Variants in TCERG1L observed in about 807,000 individuals in gnomAD.
TCERG1L encodes the protein transcription elongation regulator 1-like protein.
TCERG1L carries 37 observed loss-of-function variants against 56.3 expected under a neutral mutation model. The observed-to-expected ratio is 0.66, with a 90% confidence interval of 0.51 to 0.87. The LOEUF is 0.87. Ranked by LOEUF, TCERG1L falls within the 40% of genes least tolerant of loss-of-function variation. TCERG1L has a pLI of 0.00. For synonymous variants in TCERG1L, 324 were observed against 326.3 expected, an observed-to-expected ratio of 0.99 and a Z score of 0.08; for missense variants, 799 against 774.2, an observed-to-expected ratio of 1.03 and a Z score of -0.38.
At position 131,287,722 on chromosome 10, in the gene TCERG1L, G is replaced by A. The variant is rs190355029; in HGVS notation, c.670+20489C>T. The stretch of plus-strand genomic sequence containing the variant: ...GAACGGTCTAAATAGGCCGGGCATT[G>A]CAGATACCACACAAGCAGCAGCCAT... On this transcript the variant is annotated intron_variant, in intron 3 of 11. Coordinates refer to ENST00000368642, the MANE Select transcript of TCERG1L (RefSeq NM_174937.4). 2.3e-3 allele frequency among the ~76,000 whole-genome samples: 345 copies of A among 152,252 alleles called. 1 individual carries two copies. The highest frequency in any genetic ancestry group is 8.1e-3 in the African/African-American group (338 of 41,534).
intron 4 of TCERG1L, among the ~76,000 whole-genome samples, chr10:131,181,738 C>T (rs1845178067): frequency 6.6e-6 from 1 of 152,258 alleles, no homozygotes. Context: ...CCCCTCGCCT[C>T]CTGAGCACAC....
At chr10:131,096,620 G>A (rs1787526634) in intron 11 of TCERG1L, among the ~76,000 whole-genome samples, 1 of 152,194 alleles carries the variant, frequency 6.6e-6, no homozygotes, top group Admixed American at 6.5e-5. Flanking sequence ...ACCGATGCAG[G>A]CCAGGCGCGG....
chr10:131,230,998 CT>C (rs1051220132), intron 4 of TCERG1L, among the ~76,000 whole-genome samples: 3 of 152,224 alleles, frequency 2.0e-5, no homozygotes, highest in Non-Finnish European at 2.9e-5. Context: ...TAGGGTACCC[CT>C]GAGCACCGCT....
At chr10:131,098,562 G>GCAA in intron 10 of TCERG1L, 138 bp from the exon 11 acceptor site, 2 of 1,117,672 alleles carry the variant, frequency 1.8e-6, no homozygotes, top group Non-Finnish European at 1.2e-6. Flanking sequence ...GGAGTTATGA[G>GCAA]CAACAGCCTT....
chr10:131,311,527 GC>G lies in TCERG1L; in HGVS notation c.108del (p.Pro37ArgfsTer88). The G allele has an allele frequency of 8.3e-7, 1 of 1,199,002 alleles. No homozygotes were observed. The highest frequency in any genetic ancestry group is 3.2e-5 in the South Asian group (1 of 31,542). The allele number at this position is 1,199,002 out of a possible 1,614,324, so 74.3% of individuals were successfully genotyped here. A position where few individuals can be genotyped will look rare whatever the true frequency, so the allele number is the denominator to read the frequency against. ...LWPMDAEPPP[P>X]PPWVWMVPGS... is the part of the protein sequence containing the mutation. ...CCCGGCACCATCCAGACCCAGGGCG[GC>G]GGCGGCGGCGGCTCTGCGTCCATCG... On this transcript the variant is annotated frameshift_variant, in exon 1 of 12. Transcript: ENST00000368642. LOFTEE classifies it high-confidence loss of function. This position sits in a 1 kb window ranked among gnomAD's most constrained non-coding sequence, Gnocchi z 4.0.
chr10:131,196,693 G>A (rs970890313), intron 4 of TCERG1L, among the ~76,000 whole-genome samples: 1 of 152,176 alleles, frequency 6.6e-6, no homozygotes, highest in Non-Finnish European at 1.5e-5. Flanking sequence ...CCGCTTTCTT[G>A]CTGCCTTAAC....
At position 131,311,613 on chromosome 10, in the gene TCERG1L, T is replaced by G; in HGVS notation, c.23A>C (p.Gln8Pro). ...CTGCTGCAGCTGCCGCCGCCGCCGC[T>G]GGAACCTGGCGCCCGCCTGCATCCT... Reference protein sequence around the residue: MQAGARFQRRRRQLQQQQ... With the variant: MQAGARFPRRRRQLQQQQ... Residue 8 changes from glutamine to proline, a missense_variant, in exon 1 of 12, where the codon CAG becomes CCG. Gln to Pro is a moderately conservative substitution (Grantham distance 76). Transcript: ENST00000368642. The surrounding 1 kb of genome is among the most constrained non-coding windows in gnomAD (Gnocchi z 4.0). The G allele has an allele frequency of 8.8e-7, 1 of 1,137,096 alleles. No individual in the cohort carries two copies. The allele number at this position is 1,137,096 out of a possible 1,614,324, so 70.4% of individuals were successfully genotyped here.
chr10:131,308,450 A>G, intron 2 of TCERG1L, 59 bp from the exon 3 acceptor site: 1 of 1,440,006 alleles, frequency 6.9e-7, no homozygotes, highest in South Asian at 1.2e-5. Context: ...AAAGCTGAGC[A>G]TGACCATGAA....
At position 131,216,672 on chromosome 10, in the gene TCERG1L, G is replaced by A. The variant is rs572776763; in HGVS notation, c.856+43587C>T. On this transcript the variant is annotated intron_variant, in intron 4 of 11. Transcript: ENST00000368642. Reference sequence around the variant, plus strand: ...GGGATTAAACATAGCTAAGAAAATAGCCTAAGAATCAGCCCAGGACAGCTG... The same window carrying A: ...GGGATTAAACATAGCTAAGAAAATAACCTAAGAATCAGCCCAGGACAGCTG... Among the ~76,000 whole-genome samples the A allele has an allele frequency of 7.9e-5, 12 of 152,298 alleles. No homozygotes were observed. The South Asian group carries it at 2.3e-3, about 29-fold the overall frequency.
chr10:131,209,268 A>AG (rs1212532392), intron 4 of TCERG1L, among the ~76,000 whole-genome samples: 2 of 149,968 alleles, frequency 1.3e-5, no homozygotes, highest in Non-Finnish European at 3.0e-5. Context: ...CAAGCATTTC[A>AG]GATCAGGGAA....
chr10:131,199,273 C>G (rs1240429991), intron 4 of TCERG1L, among the ~76,000 whole-genome samples: 6 of 152,214 alleles, frequency 3.9e-5, no homozygotes, highest in Admixed American at 3.9e-4. Flanking sequence ...CATTCTGTAC[C>G]TGGCCAGACA....
intron 4 of TCERG1L, among the ~76,000 whole-genome samples, chr10:131,203,995 G>C (rs1845486500): frequency 6.6e-6 from 1 of 152,242 alleles, no homozygotes; most frequent in Admixed American, 6.5e-5. Flanking sequence ...GATATGAAGA[G>C]GTGAAACCTT....
chr10:131,176,793 C>A (rs1846158782), intron 4 of TCERG1L, among the ~76,000 whole-genome samples: 1 of 2,560 alleles, frequency 3.9e-4, no homozygotes, highest in African/African-American at 7.8e-4. Context: ...CACAGAGATA[C>A]ACGTACATAC....
At chr10:131,283,260 G>A (rs1846483557) in intron 3 of TCERG1L, among the ~76,000 whole-genome samples, 4 of 152,142 alleles carry the variant, frequency 2.6e-5, no homozygotes. Context: ...CATTTCCCAG[G>A]AAACCTGTCT....
intron 6 of TCERG1L, among the ~76,000 whole-genome samples, chr10:131,149,901 C>T (rs1845844755): frequency 6.6e-6 from 1 of 152,184 alleles, no homozygotes; most frequent in Non-Finnish European, 1.5e-5. Flanking sequence ...CCAGATCCGG[C>T]CCCTCAAGGG....
chr10:131,219,190 C>T (rs560527851), intron 4 of TCERG1L, among the ~76,000 whole-genome samples: 1 of 152,312 alleles, frequency 6.6e-6, no homozygotes, highest in South Asian at 2.1e-4. Context: ...GCTGCCATCG[C>T]CCTTGCCCCC....
Position 131,159,661 on chromosome 10 carries a change from A to C in TCERG1L, c.1034+3461T>G, listed in dbSNP as rs1297473533. Among the ~76,000 whole-genome samples the C allele has an allele frequency of 2.6e-5, 4 of 151,426 alleles. No individual in the cohort carries two copies. The East Asian group carries it at 7.8e-4, about 30-fold the overall frequency. ...ACGGAAGCAGATGATTCAGCTAATCAGGTGAAATAGGCATAGAGCCACCCC... is the reference window on the plus strand; with the variant it reads ...ACGGAAGCAGATGATTCAGCTAATCCGGTGAAATAGGCATAGAGCCACCCC... On this transcript the variant is annotated intron_variant, in intron 6 of 11. Transcript: ENST00000368642.
intron 4 of TCERG1L, among the ~76,000 whole-genome samples, chr10:131,169,670 T>G (rs1002561392): frequency 2.6e-5 from 4 of 152,132 alleles, no homozygotes; most frequent in Admixed American, 2.0e-4. Context: ...TGAGGTTGTG[T>G]TTTAATTATA....
intron 3 of TCERG1L, among the ~76,000 whole-genome samples, chr10:131,283,457 C>G (rs1846486222): frequency 6.6e-6 from 1 of 152,082 alleles, no homozygotes; most frequent in South Asian, 2.1e-4. Flanking sequence ...ACTGAAGTTC[C>G]AAGTATTAAG....
Sources: gnomAD v4.1 joint callset for allele counts (sites outside exome capture counted in the v4.1 genomes callset) on GRCh38, gnomAD v4.1.1 for gene constraint, Gnocchi (gnomAD v3.1) non-coding constraint, MANE v1.5 for transcripts, NCBI Gene and HGNC (gene_info 2026-07-23, HGNC 2026-07-21) for gene names.